The following CEP135 variants were observed in gnomAD, a reference collection of about 807,000 sequenced individuals.
CEP135 encodes centrosomal protein 135, also known as centrosomal protein of 135 kDa.
A neutral mutation model predicts 157.3 loss-of-function variants in CEP135; 142 were observed. That is an observed-to-expected ratio of 0.90 (90% confidence interval 0.79 to 1.04). The LOEUF (loss-of-function observed/expected upper bound fraction) is 1.04. Ranked by LOEUF, CEP135 falls within the 50% of genes least tolerant of loss-of-function variation. The probability of loss-of-function intolerance (pLI) is 0.00; values close to 1 mark genes in which losing one functional copy is unlikely to be tolerated. For synonymous variants in CEP135, 396 were observed against 439.8 expected, an observed-to-expected ratio of 0.90 and a Z score of 1.25; for missense variants, 1,317 against 1,309.2, an observed-to-expected ratio of 1.01 and a Z score of -0.09.
At chr4:56,014,754 T>C (rs1730712652) in intron 21 of CEP135, among the ~76,000 whole-genome samples, 1 of 151,934 alleles carries the variant, frequency 6.6e-6, no homozygotes, top group Non-Finnish European at 1.5e-5. Flanking sequence ...TGAAGCCAGG[T>C]GTGGTAGCTG....
chr4:56,000,331 T>G (rs960565563), intron 17 of CEP135, among the ~76,000 whole-genome samples: 1 of 152,242 alleles, frequency 6.6e-6, no homozygotes, highest in Non-Finnish European at 1.5e-5. Context: ...TATTTTTTTC[T>G]TTATGCTAGG....
chr4:56,010,957 G>C (rs2109733192), intron 19 of CEP135, among the ~76,000 whole-genome samples: 1 of 152,204 alleles, frequency 6.6e-6, no homozygotes, highest in East Asian at 1.9e-4. Flanking sequence ...TATCAGACCA[G>C]GCGTGGTAGC....
chr4:55,991,975 A>C lies in CEP135; in HGVS notation c.1899A>C (p.Ile633=), dbSNP rs937416431. Residue 633 remains isoleucine, a synonymous_variant, in exon 15 of 26, where the codon ATA becomes ATC. Transcript: ENST00000257287. ...ATGAATTAAAGTCTAAAGTGTTAAT[A>C]ATGAAAGAAACAATAGAGTCGTTAG... is the stretch of plus-strand genomic sequence containing the variant. ...EKYELKSKVL[I]MKETIESLEN... is the part of the protein sequence containing the mutation. 3.2e-6 allele frequency: 5 copies of C among 1,559,366 alleles called. No homozygotes were observed. In the Admixed American group the frequency reaches 7.4e-5, roughly 23 times the overall value.
intron 14 of CEP135, among the ~76,000 whole-genome samples, 182 bp from the exon 15 acceptor site, chr4:55,991,752 G>C (rs1057355850): frequency 3.3e-5 from 5 of 152,100 alleles, no homozygotes; most frequent in Non-Finnish European, 7.4e-5. Context: ...GTAGTGAGGA[G>C]AAAGAAATTT....
In CEP135 at chr4:55,959,765, A is replaced by G; in HGVS notation, c.698A>G (p.Gln233Arg). The G allele has an allele frequency of 1.2e-6, 2 of 1,611,714 alleles. No homozygotes were observed. Among genetic ancestry groups the G allele is most frequent in the Non-Finnish European group, 1.7e-6 (2 of 1,177,806 alleles). ...AGTGGGGTGAGAGACTATAGCAAGCAGGTAGGATTTTTATTTACTTGCATA... is the reference window on the plus strand; with the variant it reads ...AGTGGGGTGAGAGACTATAGCAAGCGGGTAGGATTTTTATTTACTTGCATA... ...MESGVRDYSKQIELREREIER... is the reference protein window; with the variant it reads ...MESGVRDYSKRIELREREIER... The change falls in exon 6 of 26, where the codon CAG becomes CGG. Residue 233 changes from glutamine (Q) to arginine (R), a missense_variant and splice_region_variant. Gln to Arg is a conservative substitution (Grantham distance 43, BLOSUM62 1). Transcript: ENST00000257287.
At position 55,964,333 on chromosome 4, in the gene CEP135, C is replaced by A; in HGVS notation, c.759C>A (p.Ser253=). The A allele has an allele frequency of 6.2e-7, 1 of 1,613,188 alleles. No homozygotes were observed. Among genetic ancestry groups the A allele is most frequent in the South Asian group, 1.1e-5 (1 of 90,996 alleles). The change falls in exon 7 of 26, where the codon TCC becomes TCA. Residue 253 remains serine (S), a synonymous_variant. Coordinates refer to ENST00000257287, the MANE Select transcript of CEP135 (RefSeq NM_025009.5). The part of the protein sequence containing the change: ...RLSVALDGGR[S]PDVLSLESRN... ...CAGTTGCTTTGGATGGTGGTCGGTC[C>A]CCTGATGTCCTTTCTCTGGAGTCTA...
At chr4:56,008,924 GTCTCA>G (rs1730459750) in intron 18 of CEP135, among the ~76,000 whole-genome samples, 1 of 152,170 alleles carries the variant, frequency 6.6e-6, no homozygotes, top group Admixed American at 6.5e-5. Flanking sequence ...TTGAGACAAG[GTCTCA>G]CTCTGTCGCA....
chr4:55,976,984 T>C (rs1230273225), intron 11 of CEP135, among the ~76,000 whole-genome samples: 2 of 151,528 alleles, frequency 1.3e-5, no homozygotes, highest in Non-Finnish European at 1.5e-5. Flanking sequence ...TTTTTTTTTT[T>C]TTGTTTTTTG....
In CEP135 at chr4:55,962,178, C is replaced by T. The variant is rs555633415; in HGVS notation, c.700-2096C>T. ...GCAGTGGCGCGATCTCGGCTCACTG[C>T]AAGCTCTTCCTCCTGGATTCATGCC... is the stretch of plus-strand genomic sequence containing the variant. On this transcript the variant is annotated intron_variant, in intron 6 of 25. Transcript: ENST00000257287. 2.6e-5 allele frequency among the ~76,000 whole-genome samples: 4 copies of T among 152,234 alleles called. No homozygotes were observed. In the East Asian group the frequency reaches 7.7e-4, roughly 29 times the overall value.
chr4:55,953,240 T>G lies in CEP135; in HGVS notation c.269T>G (p.Met90Arg), dbSNP rs1728413361. 1 of 1,567,746 alleles carries G rather than the reference T, an allele frequency of 6.4e-7. No individual in the cohort carries two copies. Among genetic ancestry groups the G allele is most frequent in the South Asian group, 1.2e-5 (1 of 83,244 alleles). Residue 90 changes from methionine to arginine, a missense_variant, in exon 3 of 26, where the codon ATG (methionine) becomes AGG (arginine). By Grantham distance (91) the Met-to-Arg change is moderately conservative (BLOSUM62 -1). Coordinates refer to ENST00000257287, the MANE Select transcript of CEP135 (RefSeq NM_025009.5). ...AATAATGAATTATACCTAGAGTTAATGAAACTGAGAGAACATTCAGACCAA... is the reference window on the plus strand; with the variant it reads ...AATAATGAATTATACCTAGAGTTAAGGAAACTGAGAGAACATTCAGACCAA... ...RENNELYLEL[M>R]KLREHSDQHV...
rs749452032 is a variant in CEP135, at chr4:55,974,867, T to TA, written c.1373dup (p.Lys459GlufsTer20). 1 of 1,613,836 alleles carries TA rather than the reference T, an allele frequency of 6.2e-7. No individual in the cohort carries two copies. The highest frequency in any genetic ancestry group is 8.5e-7 in the Non-Finnish European group (1 of 1,179,860). On this transcript the variant is annotated frameshift_variant, in exon 11 of 26. Coordinates refer to ENST00000257287, the MANE Select transcript of CEP135 (RefSeq NM_025009.5). LOFTEE classifies it high-confidence loss of function. ...GTATAGAAGAAGAACGAGATTATTA[T>TA]AAGAAAGAGCTAGAGAGACTCCAAC... is the stretch of plus-strand genomic sequence containing the variant.
intron 24 of CEP135, among the ~76,000 whole-genome samples, chr4:56,021,715 A>G (rs891982820): frequency 7.2e-5 from 11 of 152,174 alleles, no homozygotes; most frequent in South Asian, 6.2e-4. Context: ...ACAATTTGCT[A>G]TGAAATCAAT....
chr4:55,964,510 C>T, intron 7 of CEP135, 108 bp downstream of exon 7: 1 of 836,812 alleles, frequency 1.2e-6, no homozygotes, highest in Non-Finnish European at 1.7e-6. Flanking sequence ...GAGTTGTTCA[C>T]TGAGGTATTA....
Position 55,961,764 on chromosome 4 carries a change from T to TAAA in CEP135, c.699+2027_699+2029dup, listed in dbSNP as rs564116620. Among the ~76,000 whole-genome samples, 93 of 54,206 alleles carry TAAA rather than the reference T, an allele frequency of 1.7e-3. 2 individuals carry two copies. The highest frequency in any genetic ancestry group is 2.0e-3 in the Non-Finnish European group (62 of 31,304). 35.6% of individuals were successfully genotyped at this position (54,206 alleles called of 152,430 possible). A position where few individuals can be genotyped will look rare whatever the true frequency, so the allele number is the denominator to read the frequency against. ...GGGCAACAAGAGCGAAAACTCTGTC[T>TAAA]AAAAAAAAAAAAAAAAAAAAAAAAA... On this transcript the variant is annotated intron_variant, in intron 6 of 25. Coordinates refer to ENST00000257287, the MANE Select transcript of CEP135 (RefSeq NM_025009.5).
At chr4:55,975,079 A>G (rs1729156947) in intron 11 of CEP135, 110 bp downstream of exon 11, 1 of 778,846 alleles carries the variant, frequency 1.3e-6, no homozygotes, top group Admixed American at 3.1e-5. Flanking sequence ...AAAAATCCTG[A>G]TTTTGATTCT....
chr4:55,963,359 T>C (rs1458119939), intron 6 of CEP135, among the ~76,000 whole-genome samples: 1 of 152,222 alleles, frequency 6.6e-6, no homozygotes. Context: ...GCACATTACA[T>C]CCAGTCATAC....
intron 12 of CEP135, 146 bp downstream of exon 12, chr4:55,980,441 C>T (rs1347092450): frequency 2.0e-6 from 1 of 510,588 alleles, no homozygotes; most frequent in Non-Finnish European, 3.3e-6. Context: ...TTTCTACTAT[C>T]ATTCTGTTTC....
intron 13 of CEP135, among the ~76,000 whole-genome samples, chr4:55,982,718 T>G (rs1054342270): frequency 2.2e-4 from 34 of 152,314 alleles, no homozygotes; most frequent in African/African-American, 7.9e-4. Flanking sequence ...TGTGGGTCAT[T>G]TTTTCACTTT....
rs138441813 is a variant in CEP135, at chr4:56,024,594, A to C, written c.3414A>C (p.Arg1138Ser). 6.2e-7 allele frequency: 1 copy of C among 1,609,264 alleles called. No homozygotes were observed. Among genetic ancestry groups the C allele is most frequent in the Non-Finnish European group, 8.5e-7 (1 of 1,175,706 alleles). The change falls in exon 25 of 26, where the codon AGA becomes AGC. Residue 1138 changes from arginine (R) to serine (S), a missense_variant. Transcript: ENST00000257287. The stretch of plus-strand genomic sequence containing the variant: ...CTCCTTCACATTCTCCTGAACATAG[A>C]AATGTGTAATTATCAGAAAGGTATG... Reference protein sequence around the residue: ...LRSPSHSPEHRNV With the variant: ...LRSPSHSPEHSNV
Sources: gnomAD v4.1 joint callset for allele counts (sites outside exome capture counted in the v4.1 genomes callset) on GRCh38, gnomAD v4.1.1 for gene constraint, MANE v1.5 for transcripts, NCBI Gene and HGNC (gene_info 2026-07-23, HGNC 2026-07-21) for gene names.